LUZP2: variants seen among roughly 807,000 people sequenced by gnomAD.
LUZP2 encodes leucine zipper protein 2.
LUZP2 carries 52 observed loss-of-function variants against 51.6 expected under a neutral mutation model. The ratio of observed to expected loss-of-function variants is 1.01; its 90% CI spans 0.81 to 1.27. The LOEUF (loss-of-function observed/expected upper bound fraction) is 1.27, where lower values mean the gene tolerates loss of function less well. Among genes scored for constraint, LUZP2 ranks in the 50% most tolerant of loss-of-function variants. The pLI is 0.00. For missense variants in LUZP2, 436 were observed against 395.4 expected, an observed-to-expected ratio of 1.10 and a Z score of -0.87; for synonymous variants, 154 against 137.3, an observed-to-expected ratio of 1.12 and a Z score of -0.85.
intron 5 of LUZP2, among the ~76,000 whole-genome samples, chr11:24,855,661 G>A (rs1300706676): frequency 2.0e-5 from 3 of 152,046 alleles, no homozygotes; most frequent in East Asian, 3.9e-4. Flanking sequence ...AACAACCAAA[G>A]CAATCCTAAA....
At position 24,910,768 on chromosome 11, in the gene LUZP2, C is replaced by A. The variant is rs183414399; in HGVS notation, c.460-3708C>A. Among the ~76,000 whole-genome samples the A allele has an allele frequency of 1.6e-3, 241 of 152,294 alleles. 2 individuals are homozygous for A. The highest frequency in any genetic ancestry group is 5.6e-3 in the African/African-American group (234 of 41,564). On this transcript the variant is annotated intron_variant, in intron 6 of 11. Transcript: ENST00000336930. ...AGAAGGGAAATGTGGGTTTGGAGTT[C>A]TACACAGAGTCACCACCGCATCACT...
At chr11:25,022,727 T>C (rs776250591) in intron 9 of LUZP2, among the ~76,000 whole-genome samples, 3 of 152,038 alleles carry the variant, frequency 2.0e-5, no homozygotes, top group Non-Finnish European at 4.4e-5. Context: ...TTACAGATTC[T>C]CTATATTTCT....
intron 1 of LUZP2, among the ~76,000 whole-genome samples, chr11:24,542,543 T>A (rs1851403965): frequency 6.6e-6 from 1 of 152,044 alleles, no homozygotes. Context: ...AAAAGCTACT[T>A]CTTCCTATCA....
chr11:24,839,874 G>A (rs191345188), intron 5 of LUZP2, among the ~76,000 whole-genome samples: 1 of 151,744 alleles, frequency 6.6e-6, no homozygotes, highest in Admixed American at 6.6e-5. Flanking sequence ...TCTTGATATT[G>A]ATATGCAGTC....
chr11:24,726,247 G>T (rs2133960595), intron 1 of LUZP2, among the ~76,000 whole-genome samples: 1 of 151,892 alleles, frequency 6.6e-6, no homozygotes, highest in South Asian at 2.1e-4. Flanking sequence ...TCAGAAAGAG[G>T]GTATCATTTT....
intron 4 of LUZP2, among the ~76,000 whole-genome samples, chr11:24,751,262 A>G (rs1859574629): frequency 6.6e-6 from 1 of 152,136 alleles, no homozygotes; most frequent in Admixed American, 6.6e-5. Flanking sequence ...AAACGAAATA[A>G]TGAGTGATTC....
At chr11:25,026,326 A>C (rs1857491690) in intron 9 of LUZP2, among the ~76,000 whole-genome samples, 1 of 152,010 alleles carries the variant, frequency 6.6e-6, no homozygotes, top group African/African-American at 2.4e-5. Flanking sequence ...ATAAGATGAA[A>C]AGCAATCATT....
intron 9 of LUZP2, among the ~76,000 whole-genome samples, chr11:24,985,263 G>A (rs1856156797): frequency 6.6e-6 from 1 of 151,542 alleles, no homozygotes; most frequent in Admixed American, 6.6e-5. Context: ...GAAAACTGCC[G>A]GATTTGTTCT....
intron 1 of LUZP2, among the ~76,000 whole-genome samples, chr11:24,688,123 T>C (rs917624900): frequency 5.3e-5 from 8 of 152,110 alleles, no homozygotes; most frequent in Admixed American, 1.3e-4. Context: ...AAGTTTATAA[T>C]GATAATAACA....
At chr11:24,719,598 T>C (rs1858185456) in intron 1 of LUZP2, among the ~76,000 whole-genome samples, 1 of 152,220 alleles carries the variant, frequency 6.6e-6, no homozygotes, top group African/African-American at 2.4e-5. Flanking sequence ...TGTAGTACAT[T>C]GTTTGCAAAT....
intron 7 of LUZP2, among the ~76,000 whole-genome samples, chr11:24,923,622 G>A (rs1251986188): frequency 6.6e-6 from 1 of 152,004 alleles, no homozygotes; most frequent in Admixed American, 6.6e-5. Flanking sequence ...ACTTGAATCC[G>A]GGAGGCAGAG....
intron 5 of LUZP2, among the ~76,000 whole-genome samples, chr11:24,805,706 G>T (rs1224607449): frequency 6.6e-6 from 1 of 152,048 alleles, no homozygotes; most frequent in African/African-American, 2.4e-5. Flanking sequence ...CTAGCCCATC[G>T]TTTTCTCAAC....
intron 5 of LUZP2, among the ~76,000 whole-genome samples, chr11:24,873,761 G>A (rs1315594514): frequency 6.6e-6 from 1 of 152,190 alleles, no homozygotes; most frequent in African/African-American, 2.4e-5. Context: ...TTTTATCTCT[G>A]CCTTTGAAAA....
intron 1 of LUZP2, among the ~76,000 whole-genome samples, chr11:24,607,197 A>C (rs114775888): frequency 2.8e-5 from 4 of 141,620 alleles, no homozygotes; most frequent in African/African-American, 1.0e-4. Flanking sequence ...TGTCAAATCC[A>C]AAAAAAAAAA....
rs570924455 is a variant in LUZP2, at chr11:24,803,006, C to T, written c.396+39698C>T. ...AACTTTCTGTTATTTATAAATTACC[C>T]AGTCTGTGGTATTTGTTATAGCATC... is the stretch of plus-strand genomic sequence containing the variant. On this transcript the variant is annotated intron_variant, in intron 5 of 11. Transcript: ENST00000336930. Among the ~76,000 whole-genome samples, 207 of 152,102 alleles carry T rather than the reference C, an allele frequency of 1.4e-3. 5 individuals carry two copies. Among genetic ancestry groups the T allele is most frequent in the Non-Finnish European group, 4.7e-4 (32 of 67,950 alleles).
chr11:24,930,961 C>T (rs1854426928), intron 7 of LUZP2, among the ~76,000 whole-genome samples: 1 of 152,106 alleles, frequency 6.6e-6, no homozygotes, highest in African/African-American at 2.4e-5. Flanking sequence ...CGCCTGTAAT[C>T]CCAGCACTTT....
chr11:24,885,412 T>C (rs1369107653), intron 5 of LUZP2, among the ~76,000 whole-genome samples: 1 of 152,112 alleles, frequency 6.6e-6, no homozygotes, highest in African/African-American at 2.4e-5. Context: ...CCTCATTTTA[T>C]GAAAGAGAAA....
intron 5 of LUZP2, among the ~76,000 whole-genome samples, chr11:24,853,820 T>C (rs190982223): frequency 6.6e-6 from 1 of 152,272 alleles, no homozygotes; most frequent in Admixed American, 6.5e-5. Context: ...TGGACATCCT[T>C]TTTGTTGAGT....
chr11:25,041,420 T>G (rs990937750), intron 9 of LUZP2, among the ~76,000 whole-genome samples: 1 of 152,100 alleles, frequency 6.6e-6, no homozygotes, highest in Admixed American at 6.6e-5. Context: ...TGACCTCAGG[T>G]AAATGAAATC....
Sources: gnomAD v4.1 joint callset for allele counts (sites outside exome capture counted in the v4.1 genomes callset) on GRCh38, gnomAD v4.1.1 for gene constraint, MANE v1.5 for transcripts, NCBI Gene and HGNC (gene_info 2026-07-23, HGNC 2026-07-21) for gene names.